The following PDE4A variants were observed in gnomAD, a reference collection of about 807,000 sequenced individuals.
The protein encoded by PDE4A is 3',5'-cyclic-AMP phosphodiesterase 4A.
PDE4A carries 21 observed loss-of-function variants against 73.9 expected under a neutral mutation model. That is an observed-to-expected ratio of 0.28 (90% CI 0.20 to 0.41). The LOEUF (loss-of-function observed/expected upper bound fraction) is 0.41, where lower values mean the gene tolerates loss of function less well. PDE4A is among the 10% of genes least tolerant of loss of function. PDE4A has a pLI of 1.00. For synonymous variants in PDE4A, 463 were observed against 505.4 expected (o/e 0.92, Z 1.13); for missense variants, 958 against 1,211.4 (o/e 0.79, Z 3.10).
chr19:10,430,864 T>A, intron 1 of PDE4A: 1 of 1,281,542 alleles, frequency 7.8e-7, no homozygotes. Context: ...CCGCGCGGCC[T>A]AGGCCGCATC....
At chr19:10,436,589 A>G (rs2042868343) in intron 1 of PDE4A, among the ~76,000 whole-genome samples, 1 of 152,148 alleles carries the variant, frequency 6.6e-6, no homozygotes, top group African/African-American at 2.4e-5. Context: ...CTATATGTTA[A>G]CTTATAGAGT....
In PDE4A at chr19:10,420,921, G is replaced by A; in HGVS notation, c.157G>A (p.Glu53Lys). Residue 53 changes from glutamate to lysine, a missense_variant, in exon 1 of 15, where the codon GAG becomes AAG. By Grantham distance (56) the Glu-to-Lys change is moderately conservative. Coordinates refer to ENST00000380702, the MANE Select transcript of PDE4A (RefSeq NM_001111307.2). The surrounding 1 kb of genome is among the most constrained non-coding windows in gnomAD (Gnocchi z 6.0). The part of the protein sequence containing the change: ...IQQRGYSDSA[E>K]RAERERQPHR... ...GCAGCGCGGCTACTCCGACAGCGCGGAGCGCGCCGAGCGGGAGCGGCAGCC... is the reference window on the plus strand; with the variant it reads ...GCAGCGCGGCTACTCCGACAGCGCGAAGCGCGCCGAGCGGGAGCGGCAGCC... The A allele has an allele frequency of 1.9e-6, 3 of 1,579,798 alleles. No homozygotes were observed. The highest frequency in any genetic ancestry group is 1.1e-5 in the South Asian group (1 of 88,202).
chr19:10,467,459 C>T lies in PDE4A; in HGVS notation c.2499C>T (p.Ala833=). 5 of 1,613,064 alleles carry T rather than the reference C, an allele frequency of 3.1e-6. No individual in the cohort carries two copies. The highest frequency in any genetic ancestry group is 4.2e-6 in the Non-Finnish European group (5 of 1,179,718). ...AWRTLSVSEH[A]PGLPGLPSTA... ...GGACCCTGTCTGTTTCAGAGCATGC[C>T]CCGGGCCTCCCGGGCCTCCCCTCCA... The change falls in exon 15 of 15, where the codon GCC becomes GCT. Residue 833 remains alanine (A), a synonymous_variant. Transcript: ENST00000380702.
intron 2 of PDE4A, among the ~76,000 whole-genome samples, chr19:10,448,639 A>T (rs1432992883): frequency 2.0e-5 from 3 of 151,360 alleles, no homozygotes; most frequent in Non-Finnish European, 2.9e-5. Context: ...CTGTCTAAAA[A>T]AAAAAAAAAC....
chr19:10,449,200 GC>G (rs1568376146), intron 4 of PDE4A, 50 bp downstream of exon 4: 2 of 1,585,268 alleles, frequency 1.3e-6, no homozygotes, highest in Non-Finnish European at 1.7e-6. Context: ...TGAAGCATAT[GC>G]GGGTTCTGCT....
rs947176095 is a variant in PDE4A at position 10,461,762 on chromosome 19, G to A, written c.1620+82G>A. 10 of 1,584,116 alleles carry A rather than the reference G, an allele frequency of 6.3e-6. No homozygotes were observed. In the Admixed American group the frequency reaches 1.4e-4, roughly 22 times the overall value. On this transcript the variant is annotated intron_variant, in intron 12 of 14. Coordinates refer to ENST00000380702, the MANE Select transcript of PDE4A (RefSeq NM_001111307.2). ...TGGGGAGGAGTGGGTCTGAGTCCCA[G>A]AGGAACCCTCAACCTGGACAGAGCG... is the stretch of plus-strand genomic sequence containing the variant.
intron 6 of PDE4A, chr19:10,452,943 T>G (rs1599439805): frequency 8.9e-7 from 1 of 1,119,696 alleles, no homozygotes; most frequent in Admixed American, 5.0e-5. Flanking sequence ...CACACACGGG[T>G]GCACACACAG....
chr19:10,463,732 G>A (rs1229681024), intron 13 of PDE4A, 61 bp from the exon 14 acceptor site: 10 of 1,594,804 alleles, frequency 6.3e-6, no homozygotes, highest in Admixed American at 1.7e-5. Context: ...AATGCCTGAG[G>A]TCTCAGACTG....
chr19:10,417,938 C>A (rs548552207), upstream of PDE4A: 24 of 1,462,570 alleles, frequency 1.6e-5, 1 homozygote, highest in African/African-American at 2.2e-4. Context: ...GTCCAGCCAC[C>A]AGCCCTTCCC....
At chr19:10,430,856 G>A in intron 1 of PDE4A, 2 of 1,222,626 alleles carry the variant, frequency 1.6e-6, no homozygotes, top group Non-Finnish European at 2.0e-6. Context: ...TGGCGCGGCC[G>A]CGCGGCCTAG....
At chr19:10,454,259 C>A (rs1458023165) in intron 6 of PDE4A, among the ~76,000 whole-genome samples, 1 of 152,180 alleles carries the variant, frequency 6.6e-6, no homozygotes, top group Non-Finnish European at 1.5e-5. Flanking sequence ...CCGGCCAAAC[C>A]TTTTTGTCCC....
chr19:10,423,537 A>G (rs1442009207), intron 1 of PDE4A, among the ~76,000 whole-genome samples: 2 of 152,056 alleles, frequency 1.3e-5, no homozygotes, highest in African/African-American at 4.8e-5. Flanking sequence ...GGTCCGCCCA[A>G]TTCCTGTGCA....
chr19:10,449,249 C>T, intron 4 of PDE4A, 99 bp downstream of exon 4: 1 of 1,260,578 alleles, frequency 7.9e-7, no homozygotes, highest in Admixed American at 2.0e-5. Context: ...GGCAGGTGAC[C>T]TCTCTGAACC....
At chr19:10,463,367 G>A (rs2043307731) in intron 13 of PDE4A, among the ~76,000 whole-genome samples, 1 of 147,832 alleles carries the variant, frequency 6.8e-6, no homozygotes, top group Non-Finnish European at 1.5e-5. Context: ...TGTGATTACA[G>A]ATGTGAGCCA....
intron 4 of PDE4A, chr19:10,450,400 C>A: frequency 4.1e-6 from 3 of 732,456 alleles, no homozygotes; most frequent in Non-Finnish European, 5.0e-6. Context: ...AGCTGTTTCA[C>A]CTCCTTGAGC....
At chr19:10,421,345 AG>A (rs1259539587) in intron 1 of PDE4A, 1 of 984,896 alleles carries the variant, frequency 1.0e-6, no homozygotes, top group Non-Finnish European at 1.2e-6. Context: ...GGGTTGGGGA[AG>A]GGGGCTGCAC....
Position 10,448,967 on chromosome 19 carries a change from C to A in PDE4A, c.549+14C>A. 1 of 1,613,448 alleles carries A rather than the reference C, an allele frequency of 6.2e-7. No individual in the cohort carries two copies. The highest frequency in any genetic ancestry group is 8.5e-7 in the Non-Finnish European group (1 of 1,179,736). Reference sequence around the variant, plus strand: ...CCATTTGCTCAGGTGAGACCTCTTCCCAAATGGTTAAGGAGAGAAGGGGCT... The same window carrying A: ...CCATTTGCTCAGGTGAGACCTCTTCACAAATGGTTAAGGAGAGAAGGGGCT... On this transcript the variant is annotated intron_variant, in intron 3 of 14. Coordinates refer to ENST00000380702, the MANE Select transcript of PDE4A (RefSeq NM_001111307.2).
At chr19:10,432,664 G>A in intron 1 of PDE4A, 1 of 1,237,390 alleles carries the variant, frequency 8.1e-7, no homozygotes, top group Non-Finnish European at 1.1e-6. Context: ...ACCTGGGTGA[G>A]TCCCCTAAGT....
At chr19:10,454,465 T>G (rs1251551973) in intron 6 of PDE4A, among the ~76,000 whole-genome samples, 1 of 152,112 alleles carries the variant, frequency 6.6e-6, no homozygotes, top group African/African-American at 2.4e-5. Flanking sequence ...CTAAGGAGAC[T>G]CCCATCGCCA....
Sources: allele counts gnomAD v4.1 joint callset (sites outside exome capture counted in the v4.1 genomes callset), GRCh38; gene constraint gnomAD v4.1.1; non-coding constraint Gnocchi (gnomAD v3.1); transcripts MANE v1.5; gene names NCBI Gene and HGNC (gene_info 2026-07-23, HGNC 2026-07-21).